Variants in GRIA1 observed in about 807,000 individuals in gnomAD.
GRIA1 encodes glutamate receptor 1.
GRIA1 carries 31 observed loss-of-function variants against 99.2 expected under a neutral mutation model. That is an observed-to-expected ratio of 0.31 (90% CI 0.23 to 0.42). The LOEUF is 0.42. Ranked by LOEUF, GRIA1 falls within the 10% of genes least tolerant of loss-of-function variation. GRIA1 has a pLI of 1.00. For missense variants in GRIA1, 782 were observed against 1,157.5 expected, an observed-to-expected ratio of 0.68 and a Z score of 4.71; for synonymous variants, 438 against 432.4, an observed-to-expected ratio of 1.01 and a Z score of -0.16.
At chr5:153,628,003 T>C (rs953607693) in intron 2 of GRIA1, among the ~76,000 whole-genome samples, 6 of 152,194 alleles carry the variant, frequency 3.9e-5, no homozygotes, top group African/African-American at 1.4e-4. Flanking sequence ...AGGCTAGCAT[T>C]GATGCAAGAT....
intron 2 of GRIA1, among the ~76,000 whole-genome samples, chr5:153,572,690 T>A (rs563062323): frequency 6.6e-6 from 1 of 152,316 alleles, no homozygotes; most frequent in East Asian, 1.9e-4. Flanking sequence ...TTCATGGTAC[T>A]GATCAGATCC....
At chr5:153,807,473 A>G (rs1425840939) in intron 15 of GRIA1, among the ~76,000 whole-genome samples, 1 of 152,202 alleles carries the variant, frequency 6.6e-6, no homozygotes, top group South Asian at 2.1e-4. Context: ...TGAGAAACTG[A>G]TATTTAACAG....
intron 2 of GRIA1, among the ~76,000 whole-genome samples, chr5:153,571,229 G>A (rs1762090136): frequency 6.6e-6 from 1 of 152,162 alleles, no homozygotes; most frequent in East Asian, 1.9e-4. Context: ...TGCCGACTGG[G>A]GGCACTTGCC....
chr5:153,767,726 C>T lies in GRIA1; in HGVS notation c.2023-2442C>T, dbSNP rs1449152573. 3.9e-5 allele frequency among the ~76,000 whole-genome samples: 6 copies of T among 152,122 alleles called. No homozygotes were observed. In the South Asian group the frequency reaches 8.3e-4, roughly 21 times the overall value. On this transcript the variant is annotated intron_variant, in intron 12 of 15. Transcript: ENST00000285900. ...GACAGCCCAGAACTTCTTGGCAGCC[C>T]CAGCCCAGAGATGCTTAATCCTCCA...
intron 11 of GRIA1, among the ~76,000 whole-genome samples, chr5:153,710,811 T>C (rs1423648276): frequency 6.6e-6 from 1 of 152,150 alleles, no homozygotes. Context: ...TGAGAGACAT[T>C]AAACAAATTA....
At chr5:153,787,821 A>T (rs1765061593) in intron 13 of GRIA1, among the ~76,000 whole-genome samples, 1 of 152,096 alleles carries the variant, frequency 6.6e-6, no homozygotes. Context: ...GGCATCTTAA[A>T]TTTAATGCAT....
In GRIA1 at chr5:153,663,951, C is replaced by T. The variant is rs564823222; in HGVS notation, c.699+8079C>T. The stretch of plus-strand genomic sequence containing the variant: ...AATGGCCTTTTTCATGCTGGGTCAG[C>T]ATCCTTTGGACCATTTCAGATATGT... On this transcript the variant is annotated intron_variant, in intron 5 of 15. Transcript: ENST00000285900. Among the ~76,000 whole-genome samples, 79 of 152,338 alleles carry T rather than the reference C, an allele frequency of 5.2e-4. No individual in the cohort carries two copies. The South Asian group carries it at 0.014, about 26-fold the overall frequency.
rs555180303 is a variant in GRIA1 at position 153,552,377 on chromosome 5, C to A, written c.220+58312C>A. On this transcript the variant is annotated intron_variant, in intron 2 of 15. Coordinates refer to ENST00000285900, the MANE Select transcript of GRIA1 (RefSeq NM_000827.4). ...GCTGTCCATACCAGCTTGTGTGACT[C>A]CTTTACATTACCTGCTTGACTCCTA... Among the ~76,000 whole-genome samples the A allele has an allele frequency of 4.6e-4, 70 of 152,194 alleles. No homozygotes were observed. The South Asian group carries it at 0.013, about 28-fold the overall frequency.
At chr5:153,776,429 T>C (rs1764258486) in intron 13 of GRIA1, among the ~76,000 whole-genome samples, 1 of 152,100 alleles carries the variant, frequency 6.6e-6, no homozygotes, top group South Asian at 2.1e-4. Flanking sequence ...AACAGAATAA[T>C]TGCTGCCACC....
intron 2 of GRIA1, among the ~76,000 whole-genome samples, chr5:153,586,381 C>T (rs1763484258): frequency 6.6e-6 from 1 of 152,182 alleles, no homozygotes; most frequent in African/African-American, 2.4e-5. Context: ...TATCCTCATT[C>T]ACCGAGTAAG....
intron 2 of GRIA1, among the ~76,000 whole-genome samples, chr5:153,506,629 A>G (rs892087639): frequency 3.3e-5 from 5 of 152,148 alleles, no homozygotes; most frequent in Non-Finnish European, 5.9e-5. Context: ...CACACCTACA[A>G]GGGAGAACAA....
intron 2 of GRIA1, among the ~76,000 whole-genome samples, chr5:153,552,989 T>C (rs1199020753): frequency 6.6e-6 from 1 of 152,200 alleles, no homozygotes; most frequent in Non-Finnish European, 1.5e-5. Context: ...GGTTTCAAAC[T>C]CTTGGCCTCA....
rs766755909 is a variant in GRIA1, at chr5:153,802,394, C to T, written c.2424C>T (p.Gly808=). ...CTCTGAGCCTCAGCAATGTGGCAGGCGTGTTCTACATCCTGATCGGAGGAC... is the reference window on the plus strand; with the variant it reads ...CTCTGAGCCTCAGCAATGTGGCAGGTGTGTTCTACATCCTGATCGGAGGAC... ...TSALSLSNVA[G]VFYILIGGLG... is the part of the protein sequence containing the mutation. The change falls in exon 15 of 16, where the codon GGC becomes GGT. Residue 808 remains glycine, a synonymous_variant. Transcript: ENST00000285900. 21 of 1,613,380 alleles carry T rather than the reference C, an allele frequency of 1.3e-5. No individual in the cohort carries two copies. Among genetic ancestry groups the T allele is most frequent in the Middle Eastern group, 1.7e-4 (1 of 6,060 alleles).
At chr5:153,748,271 C>A (rs1159970209) in intron 11 of GRIA1, among the ~76,000 whole-genome samples, 1 of 152,036 alleles carries the variant, frequency 6.6e-6, no homozygotes, top group Non-Finnish European at 1.5e-5. Flanking sequence ...GAATTGAAAC[C>A]TGAAGGGTAG....
Position 153,630,359 on chromosome 5 carries a change from T to C in GRIA1, c.221-16569T>C, listed in dbSNP as rs184882313. On this transcript the variant is annotated intron_variant, in intron 2 of 15. Transcript: ENST00000285900. ...TCTTTTCTTAGATATGTGAGGGAGATAAGCAAAGGAATATATTGAAGAGAA... is the reference window on the plus strand; with the variant it reads ...TCTTTTCTTAGATATGTGAGGGAGACAAGCAAAGGAATATATTGAAGAGAA... 4.6e-5 allele frequency among the ~76,000 whole-genome samples: 7 copies of C among 152,230 alleles called. No homozygotes were observed. In the East Asian group the frequency reaches 1.4e-3, roughly 29 times the overall value.
rs564791742 is a variant in GRIA1, at chr5:153,503,422, T to C, written c.220+9357T>C. Among the ~76,000 whole-genome samples the C allele has an allele frequency of 5.9e-5, 9 of 152,318 alleles. No individual in the cohort carries two copies. The East Asian group carries it at 1.7e-3, about 29-fold the overall frequency. ...ATTAGAACAGGCAAGTGCCATTATT[T>C]GTATGAAAGAGCTTTGAAAAATCAA... On this transcript the variant is annotated intron_variant, in intron 2 of 15. Coordinates refer to ENST00000285900, the MANE Select transcript of GRIA1 (RefSeq NM_000827.4).
intron 11 of GRIA1, among the ~76,000 whole-genome samples, chr5:153,710,882 A>C (rs1759267531): frequency 1.3e-5 from 2 of 152,230 alleles, no homozygotes; most frequent in Non-Finnish European, 2.9e-5. Context: ...GCAATAGATA[A>C]TACAAGAAGT....
intron 8 of GRIA1, among the ~76,000 whole-genome samples, chr5:153,691,806 C>T (rs1439493882): frequency 6.6e-6 from 1 of 152,190 alleles, no homozygotes; most frequent in African/African-American, 2.4e-5. Flanking sequence ...GCCTCCTTAC[C>T]AGTCACGAGT....
At chr5:153,787,097 C>T (rs1347142626) in intron 13 of GRIA1, among the ~76,000 whole-genome samples, 1 of 152,180 alleles carries the variant, frequency 6.6e-6, no homozygotes, top group Non-Finnish European at 1.5e-5. Context: ...AAAATTAAAA[C>T]CATCTGAAAT....
Sources: allele counts gnomAD v4.1 joint callset (sites outside exome capture counted in the v4.1 genomes callset), GRCh38; gene constraint gnomAD v4.1.1; transcripts MANE v1.5; gene names NCBI Gene and HGNC (gene_info 2026-07-23, HGNC 2026-07-21).